Variants in RCAN2 observed in about 807,000 individuals in gnomAD.
The protein encoded by RCAN2 is regulator of calcineurin 2.
Under a neutral mutation model 23.6 loss-of-function variants are expected in RCAN2, and 9 were observed. The observed-to-expected ratio is 0.38, with a 90% CI of 0.23 to 0.67. The LOEUF (loss-of-function observed/expected upper bound fraction) is 0.67. RCAN2 is among the 30% of genes least tolerant of loss of function. The probability of loss-of-function intolerance (pLI) is 0.51; values close to 1 mark genes in which losing one functional copy is unlikely to be tolerated. For missense variants in RCAN2, 273 were observed against 302.3 expected, an observed-to-expected ratio of 0.90 and a Z score of 0.72; for synonymous variants, 109 against 115.7, an observed-to-expected ratio of 0.94 and a Z score of 0.37.
chr6:46,466,647 A>G (rs2150438615), intron 1 of RCAN2, among the ~76,000 whole-genome samples: 1 of 152,300 alleles, frequency 6.6e-6, no homozygotes, highest in East Asian at 1.9e-4. Context: ...AATCTTCCAT[A>G]ACTCCACAGG....
At chr6:46,232,623 C>A (rs144709027) in intron 4 of RCAN2, among the ~76,000 whole-genome samples, 1 of 151,806 alleles carries the variant, frequency 6.6e-6, no homozygotes, top group South Asian at 2.1e-4. Flanking sequence ...GAAACCCCCA[C>A]CTCTACTAAA....
chr6:46,359,282 A>G (rs1764927952), intron 2 of RCAN2, among the ~76,000 whole-genome samples: 2 of 152,220 alleles, frequency 1.3e-5, no homozygotes, highest in East Asian at 1.9e-4. Context: ...ATGGAGAAAA[A>G]TAGTAGCACA....
At chr6:46,452,328 C>T (rs1477992387) in intron 2 of RCAN2, among the ~76,000 whole-genome samples, 3 of 152,160 alleles carry the variant, frequency 2.0e-5, no homozygotes, top group African/African-American at 7.2e-5. Flanking sequence ...CTAATTTATA[C>T]TATAATAACA....
intron 2 of RCAN2, among the ~76,000 whole-genome samples, chr6:46,381,187 A>G (rs1328633530): frequency 1.3e-5 from 2 of 152,196 alleles, no homozygotes; most frequent in African/African-American, 4.8e-5. Flanking sequence ...ATTTCAAACA[A>G]TGCTGAAAGA....
At chr6:46,297,852 T>G (rs1762770148) in intron 2 of RCAN2, among the ~76,000 whole-genome samples, 1 of 152,110 alleles carries the variant, frequency 6.6e-6, no homozygotes, top group African/African-American at 2.4e-5. Context: ...TTGAATATAA[T>G]TCTTTAAGGC....
chr6:46,339,272 T>A (rs1009205417), intron 2 of RCAN2, among the ~76,000 whole-genome samples: 2 of 152,070 alleles, frequency 1.3e-5, no homozygotes, highest in African/African-American at 4.8e-5. Flanking sequence ...TATATTGTCA[T>A]AAATGATATG....
chr6:46,424,060 C>T (rs1037398964), intron 2 of RCAN2, among the ~76,000 whole-genome samples: 1 of 152,206 alleles, frequency 6.6e-6, no homozygotes, highest in African/African-American at 2.4e-5. Flanking sequence ...AGCCCTGCCT[C>T]TGACTCCACT....
intron 4 of RCAN2, among the ~76,000 whole-genome samples, chr6:46,243,809 C>CAAA (rs376524527): frequency 0.055 from 2,978 of 54,634 alleles, 422 homozygotes; most frequent in African/African-American, 0.065. Context: ...GATTCTGTCT[C>CAAA]AAAAAAAAAA....
chr6:46,381,310 G>T (rs1765612279), intron 2 of RCAN2, among the ~76,000 whole-genome samples: 1 of 152,152 alleles, frequency 6.6e-6, no homozygotes, highest in South Asian at 2.1e-4. Flanking sequence ...GCAACCTTGG[G>T]CAAGTCACTT....
At chr6:46,293,737 G>A (rs1762636369) in intron 2 of RCAN2, among the ~76,000 whole-genome samples, 1 of 152,138 alleles carries the variant, frequency 6.6e-6, no homozygotes, top group East Asian at 1.9e-4. Flanking sequence ...GTATGAGAAA[G>A]GCTTGCTCAG....
At chr6:46,457,033 G>A in intron 1 of RCAN2, 55 bp from the exon 2 acceptor site, 1 of 1,281,396 alleles carries the variant, frequency 7.8e-7, no homozygotes, top group Non-Finnish European at 1.1e-6. Flanking sequence ...TTAAAACTCA[G>A]TTTTCGGGTC....
chr6:46,230,196 G>A (rs891497229), intron 4 of RCAN2, among the ~76,000 whole-genome samples: 2 of 152,196 alleles, frequency 1.3e-5, no homozygotes, highest in Non-Finnish European at 2.9e-5. Flanking sequence ...CTACTTGGAG[G>A]TGTCTCCCAG....
chr6:46,391,790 AG>A (rs1765945301), intron 2 of RCAN2, among the ~76,000 whole-genome samples: 1 of 152,122 alleles, frequency 6.6e-6, no homozygotes, highest in South Asian at 2.1e-4. Flanking sequence ...ATGAAGGTGA[AG>A]GGGGGTGACA....
At chr6:46,345,416 C>A (rs915343840) in intron 2 of RCAN2, among the ~76,000 whole-genome samples, 1 of 152,050 alleles carries the variant, frequency 6.6e-6, no homozygotes, top group Non-Finnish European at 1.5e-5. Context: ...TTATAGAACA[C>A]GGTATCCAAC....
intron 2 of RCAN2, among the ~76,000 whole-genome samples, chr6:46,424,673 T>C (rs1459132276): frequency 6.6e-6 from 1 of 152,036 alleles, no homozygotes; most frequent in Non-Finnish European, 1.5e-5. Flanking sequence ...GAGGCGGCAA[T>C]GTGTGAGTCC....
At chr6:46,283,487 C>T (rs1442226) in intron 2 of RCAN2, among the ~76,000 whole-genome samples, 1 of 152,020 alleles carries the variant, frequency 6.6e-6, no homozygotes, top group South Asian at 2.1e-4. Flanking sequence ...ATCTGGTACA[C>T]ACATACCAAT....
At chr6:46,298,938 T>A (rs1018825420) in intron 2 of RCAN2, among the ~76,000 whole-genome samples, 5 of 152,082 alleles carry the variant, frequency 3.3e-5, no homozygotes, top group Non-Finnish European at 5.9e-5. Context: ...TAAAAAAGAA[T>A]GAAATCATGT....
chr6:46,277,477 G>T (rs1442229), intron 2 of RCAN2, among the ~76,000 whole-genome samples: 117,409 of 152,010 alleles, frequency 0.77, 45,780 homozygotes, highest in Non-Finnish European at 0.83. Flanking sequence ...AGTTGGGGTG[G>T]GTGGTTGCCC....
chr6:46,287,882 C>T (rs1262030867), intron 2 of RCAN2, among the ~76,000 whole-genome samples: 1 of 152,214 alleles, frequency 6.6e-6, no homozygotes, highest in East Asian at 1.9e-4. Flanking sequence ...ATCAGCTTTC[C>T]TACCTCACTG....
Sources: gnomAD v4.1 joint callset for allele counts (sites outside exome capture counted in the v4.1 genomes callset) on GRCh38, gnomAD v4.1.1 for gene constraint, MANE v1.5 for transcripts, NCBI Gene and HGNC (gene_info 2026-07-23, HGNC 2026-07-21) for gene names.